The following SNTG2 variants were observed in gnomAD, a reference collection of about 807,000 sequenced individuals.
The protein encoded by SNTG2 is gamma-2-syntrophin.
Under a neutral mutation model 70.9 loss-of-function variants are expected in SNTG2, and 74 were observed. That is an observed-to-expected ratio of 1.04 (90% CI 0.86 to 1.27). The LOEUF (loss-of-function observed/expected upper bound fraction) is 1.27, where lower values mean the gene tolerates loss of function less well. Ranked by LOEUF, SNTG2 falls within the 50% of genes most tolerant of loss-of-function variation. The pLI is 0.00. For synonymous variants in SNTG2, 278 were observed against 273.8 expected (o/e 1.02, Z -0.15); for missense variants, 717 against 690.7 (o/e 1.04, Z -0.43).
intron 2 of SNTG2, among the ~76,000 whole-genome samples, chr2:1,091,995 C>A (rs554525854): frequency 6.6e-6 from 1 of 152,254 alleles, no homozygotes; most frequent in South Asian, 2.1e-4. Context: ...ATGCCCCATT[C>A]TGAAAAATGC....
chr2:1,119,434 G>A (rs1050616476), intron 4 of SNTG2, among the ~76,000 whole-genome samples: 1 of 151,946 alleles, frequency 6.6e-6, no homozygotes, highest in African/African-American at 2.4e-5. Flanking sequence ...CCAGTATGAA[G>A]GTAAAAAGTC....
At chr2:1,230,846 CA>C (rs1676174213) in intron 9 of SNTG2, among the ~76,000 whole-genome samples, 1 of 152,168 alleles carries the variant, frequency 6.6e-6, no homozygotes, top group African/African-American at 2.4e-5. Context: ...AGGGTCACTG[CA>C]GGGGTGAAAT....
At chr2:1,162,390 T>C (rs903879795) in intron 6 of SNTG2, among the ~76,000 whole-genome samples, 2 of 152,240 alleles carry the variant, frequency 1.3e-5, no homozygotes, top group Non-Finnish European at 2.9e-5. Context: ...GCCTGGTCCT[T>C]TGGGAGGAGG....
chr2:1,284,082 C>T (rs1679669894), intron 14 of SNTG2, among the ~76,000 whole-genome samples: 1 of 152,146 alleles, frequency 6.6e-6, no homozygotes, highest in African/African-American at 2.4e-5. Context: ...GTGAATCTCC[C>T]CCGGAAAGAT....
chr2:1,028,002 C>T (rs1165372387), intron 1 of SNTG2, among the ~76,000 whole-genome samples: 2 of 151,432 alleles, frequency 1.3e-5, no homozygotes, highest in Non-Finnish European at 2.9e-5. Context: ...GCGTCCGACC[C>T]ACAGACACTA....
chr2:1,296,920 G>A (rs985875156), intron 14 of SNTG2, among the ~76,000 whole-genome samples: 1 of 152,152 alleles, frequency 6.6e-6, no homozygotes, highest in Non-Finnish European at 1.5e-5. Flanking sequence ...TTCAATTCCA[G>A]ATACAGGACA....
At chr2:1,117,330 A>C (rs1182546780) in intron 4 of SNTG2, among the ~76,000 whole-genome samples, 1 of 152,184 alleles carries the variant, frequency 6.6e-6, no homozygotes, top group Admixed American at 6.5e-5. Context: ...AGATGACTGT[A>C]ATTTTAAACA....
chr2:1,129,487 A>G (rs1364388891), intron 4 of SNTG2, among the ~76,000 whole-genome samples: 1 of 152,246 alleles, frequency 6.6e-6, no homozygotes, highest in Non-Finnish European at 1.5e-5. Context: ...AAATTTGGAA[A>G]TTAATAATTT....
In SNTG2 at chr2:1,222,063, GTTTCTCTCTGTCTCTGTCTCTGTC is replaced by G. The variant is rs1675139446; in HGVS notation, c.719+12835_719+12858del. 1.4e-3 allele frequency among the ~76,000 whole-genome samples: 6 copies of G among 4,202 alleles called. 1 individual carries two copies. Among genetic ancestry groups the G allele is most frequent in the Non-Finnish European group, 3.0e-3 (6 of 2,014 alleles). 2.8% of individuals were successfully genotyped at this position (4,202 alleles called of 152,430 possible). A position where few individuals can be genotyped will look rare whatever the true frequency, so the allele number is the denominator to read the frequency against. On this transcript the variant is annotated intron_variant, in intron 9 of 16. Transcript: ENST00000308624. ...TCTCTCTCTGTCTCTCTCTGTCTCT[GTTTCTCTCTGTCTCTGTCTCTGTC>G]TCTCTCTGTCTCTCTCTGTCTCTCT...
intron 1 of SNTG2, among the ~76,000 whole-genome samples, chr2:958,701 A>T (rs1162783113): frequency 3.3e-5 from 5 of 150,344 alleles, no homozygotes; most frequent in Non-Finnish European, 5.9e-5. Context: ...CTTTTTTTTT[A>T]AAGTGGTTCA....
chr2:977,035 T>C (rs7355756), intron 1 of SNTG2, among the ~76,000 whole-genome samples: 47,224 of 152,024 alleles, frequency 0.31, 7,790 homozygotes, highest in Middle Eastern at 0.4. Flanking sequence ...CCATCGTATA[T>C]GCCTGCTCTC....
chr2:1,229,918 C>G (rs985584110), intron 9 of SNTG2, among the ~76,000 whole-genome samples: 1 of 152,212 alleles, frequency 6.6e-6, no homozygotes, highest in Non-Finnish European at 1.5e-5. Flanking sequence ...TACGCCCACC[C>G]GGAACTCCAG....
At chr2:1,360,839 C>G (rs561458606) in intron 16 of SNTG2, among the ~76,000 whole-genome samples, 1 of 152,312 alleles carries the variant, frequency 6.6e-6, no homozygotes, top group African/African-American at 2.4e-5. Flanking sequence ...AATAAGAGAG[C>G]AGTGTCTGCT....
intron 8 of SNTG2, among the ~76,000 whole-genome samples, chr2:1,189,054 T>G (rs759486111): frequency 6.6e-6 from 1 of 152,058 alleles, no homozygotes; most frequent in Non-Finnish European, 1.5e-5. Context: ...CTAGATGACC[T>G]AAAAATGCAG....
In SNTG2 at chr2:1,198,236, A is replaced by G. The variant is rs145770984; in HGVS notation, c.592-10867A>G. 8.7e-4 allele frequency among the ~76,000 whole-genome samples: 133 copies of G among 152,256 alleles called. 1 individual carries two copies. Among genetic ancestry groups the G allele is most frequent in the African/African-American group, 3.1e-3 (129 of 41,568 alleles). On this transcript the variant is annotated intron_variant, in intron 8 of 16. Transcript: ENST00000308624. ...TATATAAATATATGAAAATTAAACT[A>G]CATGCCCCTGAACAACCATTGGGTC...
chr2:1,043,430 C>T lies in SNTG2; in HGVS notation c.73-40088C>T, dbSNP rs76203737. On this transcript the variant is annotated intron_variant, in intron 1 of 16. Coordinates refer to ENST00000308624, the MANE Select transcript of SNTG2 (RefSeq NM_018968.4). Reference sequence around the variant, plus strand: ...GACACTCTTTAGCTTAATTAGGTACCATTTGTCAACTTTTGTTTCTGTTGC... The same window carrying T: ...GACACTCTTTAGCTTAATTAGGTACTATTTGTCAACTTTTGTTTCTGTTGC... 3.9e-5 allele frequency among the ~76,000 whole-genome samples: 6 copies of T among 152,242 alleles called. No individual in the cohort carries two copies. In the East Asian group the frequency reaches 1.2e-3, roughly 29 times the overall value.
intron 16 of SNTG2, chr2:1,346,504 G>A (rs1205652155): frequency 2.0e-5 from 3 of 152,272 alleles, no homozygotes; most frequent in African/African-American, 7.2e-5. Flanking sequence ...CCGAATTCCA[G>A]GGGCAGCCAG....
At chr2:1,003,054 T>C (rs1659456761) in intron 1 of SNTG2, among the ~76,000 whole-genome samples, 1 of 152,030 alleles carries the variant, frequency 6.6e-6, no homozygotes, top group African/African-American at 2.4e-5. Context: ...CTGAATAAAG[T>C]GTACACACAA....
intron 9 of SNTG2, among the ~76,000 whole-genome samples, chr2:1,212,124 G>A (rs1674085906): frequency 6.6e-6 from 1 of 152,194 alleles, no homozygotes; most frequent in African/African-American, 2.4e-5. Context: ...ATTCCCCAGT[G>A]TTGGAGGTGG....
Sources: allele counts gnomAD v4.1 joint callset (sites outside exome capture counted in the v4.1 genomes callset), GRCh38; gene constraint gnomAD v4.1.1; transcripts MANE v1.5; gene names NCBI Gene and HGNC (gene_info 2026-07-23, HGNC 2026-07-21).